The following CCND2 variants were observed in gnomAD, a reference collection of about 807,000 sequenced individuals.
CCND2 encodes the protein cyclin D2.
Under a neutral mutation model 30.2 loss-of-function variants are expected in CCND2, and 6 were observed. The ratio of observed to expected loss-of-function variants is 0.20; its 90% CI spans 0.11 to 0.39. CCND2 has a LOEUF of 0.39. Ranked by LOEUF, CCND2 falls within the 10% of genes least tolerant of loss-of-function variation. The probability of loss-of-function intolerance (pLI) is 1.00; values close to 1 mark genes in which losing one functional copy is unlikely to be tolerated. For synonymous variants in CCND2, 150 were observed against 153.1 expected (o/e 0.98, Z 0.15); for missense variants, 235 against 373.4 (o/e 0.63, Z 3.06).
chr12:4,304,281 G>T lies in CCND2; in HGVS notation c.*4272G>T, dbSNP rs1337818942. ...TCTGAGTAAGCCAGTTGGCTTCTAA[G>T]CCAAAAGGATTCCTCTTTGTTTATC... On this transcript the variant is annotated 3_prime_UTR_variant, in exon 5 of 5. Transcript: ENST00000261254. This position sits in a 1 kb window ranked among gnomAD's most constrained non-coding sequence, Gnocchi z 6.2. 1 of 233,558 alleles carries T rather than the reference G, an allele frequency of 4.3e-6. No individual in the cohort carries two copies. Among genetic ancestry groups the T allele is most frequent in the Non-Finnish European group, 8.5e-6 (1 of 118,004 alleles). 14.5% of individuals were successfully genotyped at this position (233,558 alleles called of 1,614,324 possible).
chr12:4,296,383 C>T (rs769970338), intron 4 of CCND2, among the ~76,000 whole-genome samples: 5 of 152,244 alleles, frequency 3.3e-5, no homozygotes, highest in South Asian at 2.1e-4. Context: ...ACAGGAACTG[C>T]GACTTGGAAA....
rs114142145 is a variant in CCND2, at chr12:4,287,478, G to T, written c.572-1364G>T. The stretch of plus-strand genomic sequence containing the variant: ...TGTATGCTGTGTCTCCTGCCCCCAC[G>T]TGCCCCTTCCATGTCTACACACAGT... On this transcript the variant is annotated intron_variant, in intron 3 of 4. Transcript: ENST00000261254. The surrounding 1 kb of genome is among the most constrained non-coding windows in gnomAD (Gnocchi z 4.0). 2.0e-5 allele frequency among the ~76,000 whole-genome samples: 3 copies of T among 152,056 alleles called. No individual in the cohort carries two copies. Among genetic ancestry groups the T allele is most frequent in the African/African-American group, 7.3e-5 (3 of 41,366 alleles).
rs1270304681 is a variant in CCND2 at position 4,282,590 on chromosome 12, T to C, written c.571+3671T>C. ...CATCTGCAAGTCTCTGAGCTACCCCTGAAGCCGCGAGGTCATGGGACTGAG... is the reference window on the plus strand; with the variant it reads ...CATCTGCAAGTCTCTGAGCTACCCCCGAAGCCGCGAGGTCATGGGACTGAG... On this transcript the variant is annotated intron_variant, in intron 3 of 4. Coordinates refer to ENST00000261254, the MANE Select transcript of CCND2 (RefSeq NM_001759.4). The surrounding 1 kb of genome is among the most constrained non-coding windows in gnomAD (Gnocchi z 4.3). Among the ~76,000 whole-genome samples, 1 of 152,194 alleles carries C rather than the reference T, an allele frequency of 6.6e-6. No individual in the cohort carries two copies. The highest frequency in any genetic ancestry group is 6.5e-5 in the Admixed American group (1 of 15,284).
Position 4,285,257 on chromosome 12 carries a change from CCT to C in CCND2, c.572-3576_572-3575del. The stretch of plus-strand genomic sequence containing the variant: ...GAATGGATCGCTGATCGGTTCATTG[CCT>C]CTCTCTCTGCTGCAGGAGGAAGGAT... On this transcript the variant is annotated intron_variant, in intron 3 of 4. Coordinates refer to ENST00000261254, the MANE Select transcript of CCND2 (RefSeq NM_001759.4). This position sits in a 1 kb window ranked among gnomAD's most constrained non-coding sequence, Gnocchi z 4.1. The C allele has an allele frequency of 3.1e-6, 3 of 982,904 alleles. No individual in the cohort carries two copies. Among genetic ancestry groups the C allele is most frequent in the Non-Finnish European group, 3.6e-6 (3 of 827,740 alleles). 60.9% of individuals were successfully genotyped at this position (982,904 alleles called of 1,614,324 possible). A position where few individuals can be genotyped will look rare whatever the true frequency, so the allele number is the denominator to read the frequency against.
rs571423161 is a variant in CCND2 at position 4,280,048 on chromosome 12, C to G, written c.571+1129C>G. 2.7e-5 allele frequency among the ~76,000 whole-genome samples: 4 copies of G among 150,284 alleles called. 1 individual carries two copies. In the East Asian group the frequency reaches 8.5e-4, roughly 32 times the overall value. On this transcript the variant is annotated intron_variant, in intron 3 of 4. Transcript: ENST00000261254. ...GCTTTGCTGCATATCAGTGAGTGAC[C>G]TTTAATTGGCTGCTTAACCTCTCTG...
rs777614015 is a variant in CCND2, at chr12:4,276,079, G to T, written c.270G>T (p.Gly90=). Residue 90 remains glycine (G), a synonymous_variant, in exon 2 of 5, where the codon GGG becomes GGT. Transcript: ENST00000261254. This position sits in a 1 kb window ranked among gnomAD's most constrained non-coding sequence, Gnocchi z 4.8. ...ATTACCTGGACCGTTTCTTGGCTGGGGTCCCGACTCCGAAGTCCCATCTGC... is the reference window on the plus strand; with the variant it reads ...ATTACCTGGACCGTTTCTTGGCTGGTGTCCCGACTCCGAAGTCCCATCTGC... ...AMNYLDRFLA[G]VPTPKSHLQL... 2 of 1,613,812 alleles carry T rather than the reference G, an allele frequency of 1.2e-6. No homozygotes were observed. Among genetic ancestry groups the T allele is most frequent in the East Asian group, 2.2e-5 (1 of 44,872 alleles).
chr12:4,297,586 A>C (rs4072461), intron 4 of CCND2, among the ~76,000 whole-genome samples: 75,300 of 136,254 alleles, frequency 0.55, 22,047 homozygotes, highest in Middle Eastern at 0.77. Flanking sequence ...AAAAAAAAAA[A>C]AAAAAAAAAA....
Position 4,287,570 on chromosome 12 carries a change from C to T in CCND2, c.572-1272C>T, listed in dbSNP as rs558638310. 6.6e-6 allele frequency among the ~76,000 whole-genome samples: 1 copy of T among 152,134 alleles called. No individual in the cohort carries two copies. Among genetic ancestry groups the T allele is most frequent in the Non-Finnish European group, 1.5e-5 (1 of 68,024 alleles). The stretch of plus-strand genomic sequence containing the variant: ...TGGAAGACTTGCTGCACTCCAGGAC[C>T]GTCACTAGCGTGATGGCTGCAACTA... On this transcript the variant is annotated intron_variant, in intron 3 of 4. Transcript: ENST00000261254. The surrounding 1 kb of genome is among the most constrained non-coding windows in gnomAD (Gnocchi z 4.0).
At chr12:4,289,094 T>C (rs867826565) in intron 4 of CCND2, 104 bp downstream of exon 4, 2 of 1,197,546 alleles carry the variant, frequency 1.7e-6, no homozygotes, top group Middle Eastern at 4.8e-4. Flanking sequence ...TTTTCTGGTT[T>C]GTTTCCTAAG....
chr12:4,276,352 C>T lies in CCND2; in HGVS notation c.411+132C>T. ...TGACCCCACCAATAGAATTTACCCACTTATGGGCGATAGCTCATTTAATAG... is the reference window on the plus strand; with the variant it reads ...TGACCCCACCAATAGAATTTACCCATTTATGGGCGATAGCTCATTTAATAG... On this transcript the variant is annotated intron_variant, in intron 2 of 4. Coordinates refer to ENST00000261254, the MANE Select transcript of CCND2 (RefSeq NM_001759.4). This position sits in a 1 kb window ranked among gnomAD's most constrained non-coding sequence, Gnocchi z 4.8. 1 of 695,258 alleles carries T rather than the reference C, an allele frequency of 1.4e-6. No individual in the cohort carries two copies. The highest frequency in any genetic ancestry group is 1.9e-5 in the South Asian group (1 of 52,878). The allele number at this position is 695,258 out of a possible 1,614,324, so 43.1% of individuals were successfully genotyped here. A position where few individuals can be genotyped will look rare whatever the true frequency, so the allele number is the denominator to read the frequency against.
rs1275451553 is a variant in CCND2 at position 4,293,134 on chromosome 12, T to G, written c.720+4144T>G. On this transcript the variant is annotated intron_variant, in intron 4 of 4. Transcript: ENST00000261254. This position sits in a 1 kb window ranked among gnomAD's most constrained non-coding sequence, Gnocchi z 4.9. The stretch of plus-strand genomic sequence containing the variant: ...GTCCTTTGAAAAGCTGTGTCTTTTC[T>G]TTAACTTCAATTCTGTGTCAGGGCC... Among the ~76,000 whole-genome samples, 1 of 152,224 alleles carries G rather than the reference T, an allele frequency of 6.6e-6. No individual in the cohort carries two copies. The highest frequency in any genetic ancestry group is 1.5e-5 in the Non-Finnish European group (1 of 68,040).
At chr12:4,298,728 C>T (rs977884004) in intron 4 of CCND2, among the ~76,000 whole-genome samples, 4 of 152,198 alleles carry the variant, frequency 2.6e-5, no homozygotes, top group African/African-American at 7.2e-5. Context: ...AGAGAGTGCA[C>T]AAAGGCACCT....
intron 4 of CCND2, among the ~76,000 whole-genome samples, chr12:4,297,184 A>C (rs2067846203): frequency 1.3e-5 from 2 of 152,088 alleles, no homozygotes; most frequent in South Asian, 4.1e-4. Context: ...TAACCCCCAC[A>C]TTCATTTTGA....
rs1036055522 is a variant in CCND2, at chr12:4,299,118, T to C, written c.721-742T>C. On this transcript the variant is annotated intron_variant, in intron 4 of 4. Transcript: ENST00000261254. This position sits in a 1 kb window ranked among gnomAD's most constrained non-coding sequence, Gnocchi z 5.2. ...GGCTCATGCCTGTAATCCCAGCACT[T>C]TGGGAGGCCGATGCGGGCGGATCAC... 2.0e-4 allele frequency among the ~76,000 whole-genome samples: 30 copies of C among 152,156 alleles called. 1 individual carries two copies. The highest frequency in any genetic ancestry group is 2.1e-4 in the Non-Finnish European group (14 of 68,028).
In CCND2 at chr12:4,304,180, C is replaced by T. The variant is rs1052486801; in HGVS notation, c.*4171C>T. ...GAAGAAATAGACTTGCACCTTATGT[C>T]ATGTAAATAATTGATTTTCTAGTTC... is the stretch of plus-strand genomic sequence containing the variant. On this transcript the variant is annotated 3_prime_UTR_variant, in exon 5 of 5. Transcript: ENST00000261254. The surrounding 1 kb of genome is among the most constrained non-coding windows in gnomAD (Gnocchi z 6.2). 3 of 233,342 alleles carry T rather than the reference C, an allele frequency of 1.3e-5. No homozygotes were observed. Among genetic ancestry groups the T allele is most frequent in the African/African-American group, 6.6e-5 (3 of 45,282 alleles). The allele number at this position is 233,342 out of a possible 1,614,324, so 14.5% of individuals were successfully genotyped here. A position where few individuals can be genotyped will look rare whatever the true frequency, so the allele number is the denominator to read the frequency against.
chr12:4,278,089 T>C (rs1863898619), intron 2 of CCND2, among the ~76,000 whole-genome samples: 1 of 152,166 alleles, frequency 6.6e-6, no homozygotes, highest in Non-Finnish European at 1.5e-5. Flanking sequence ...CAAAATGAGG[T>C]TGCTAATGAC....
chr12:4,286,386 C>T (rs937951256), intron 3 of CCND2, among the ~76,000 whole-genome samples: 1 of 152,224 alleles, frequency 6.6e-6, no homozygotes, highest in Non-Finnish European at 1.5e-5. Context: ...CACAGTCCCA[C>T]GTCTGGACCT....
chr12:4,296,800 G>C (rs1034138781), intron 4 of CCND2, among the ~76,000 whole-genome samples: 4 of 152,050 alleles, frequency 2.6e-5, no homozygotes, highest in African/African-American at 7.2e-5. Flanking sequence ...GGATTCAATG[G>C]ATTCTTCTTT....
rs572013812 is a variant in CCND2 at position 4,274,633 on chromosome 12, C to T, written c.195+398C>T. Among the ~76,000 whole-genome samples, 6 of 152,170 alleles carry T rather than the reference C, an allele frequency of 3.9e-5. No homozygotes were observed. Among genetic ancestry groups the T allele is most frequent in the East Asian group, 3.9e-4 (2 of 5,180 alleles). ...ACCCCGAGTAGAAAGGCAACCCCCC[C>T]CAAAAGGCCAGAGCAAATTCGTCTT... On this transcript the variant is annotated intron_variant, in intron 1 of 4. Transcript: ENST00000261254. This position sits in a 1 kb window ranked among gnomAD's most constrained non-coding sequence, Gnocchi z 7.7.
Sources: allele counts gnomAD v4.1 joint callset (sites outside exome capture counted in the v4.1 genomes callset), GRCh38; gene constraint gnomAD v4.1.1; non-coding constraint Gnocchi (gnomAD v3.1); transcripts MANE v1.5; gene names NCBI Gene and HGNC (gene_info 2026-07-23, HGNC 2026-07-21).